Variants in FSTL5 observed in about 807,000 individuals in gnomAD.
FSTL5 encodes the protein follistatin like 5, also known as follistatin-related protein 5.
In FSTL5, 62 loss-of-function variants were observed where a neutral mutation model predicts 89.1. That is an observed-to-expected ratio of 0.70 (90% CI 0.57 to 0.86). The LOEUF is 0.86. FSTL5 is among the 40% of genes least tolerant of loss of function. The pLI, the probability that FSTL5 is intolerant of heterozygous loss-of-function variation, is 0.00. For synonymous variants in FSTL5, 383 were observed against 346.2 expected (o/e 1.11, Z -1.18); for missense variants, 1,057 against 1,001.6 (o/e 1.06, Z -0.75).
rs543828394 is a variant in FSTL5, at chr4:161,510,178, C to T, written c.1339+220G>A. ...ACTTTTAAAGTATTTCAATATATCG[C>T]AATGACACTTTCTGGCTATGTATCA... On this transcript the variant is annotated intron_variant, in intron 11 of 15. Coordinates refer to ENST00000306100, the MANE Select transcript of FSTL5 (RefSeq NM_020116.5). 5.9e-5 allele frequency among the ~76,000 whole-genome samples: 9 copies of T among 152,130 alleles called. No homozygotes were observed. In the East Asian group the frequency reaches 1.7e-3, roughly 29 times the overall value.
rs903317528 is a variant in FSTL5, at chr4:161,834,960, T to C, written c.410-58886A>G. On this transcript the variant is annotated intron_variant, in intron 4 of 15. Coordinates refer to ENST00000306100, the MANE Select transcript of FSTL5 (RefSeq NM_020116.5). ...AGAATTGGAAAAAACTACTTTAAAG[T>C]TCATATGACACCAAAAAAGAGCCTG... Among the ~76,000 whole-genome samples, 53 of 148,132 alleles carry C rather than the reference T, an allele frequency of 3.6e-4. 3 individuals carry two copies. The highest frequency in any genetic ancestry group is 6.8e-4 in the Non-Finnish European group (46 of 67,250).
chr4:161,873,481 G>GTTCC (rs559177709), intron 4 of FSTL5, among the ~76,000 whole-genome samples: 16 of 148,942 alleles, frequency 1.1e-4, no homozygotes, highest in South Asian at 2.1e-4. Context: ...TATTTCCTTA[G>GTTCC]TTCCTTCCTT....
At chr4:161,687,748 T>A (rs1360862358) in intron 6 of FSTL5, among the ~76,000 whole-genome samples, 1 of 152,148 alleles carries the variant, frequency 6.6e-6, no homozygotes, top group African/African-American at 2.4e-5. Flanking sequence ...TTGGACTTCT[T>A]ACACCTTGCT....
intron 4 of FSTL5, among the ~76,000 whole-genome samples, chr4:161,822,322 G>A (rs1447194229): frequency 6.6e-6 from 1 of 152,158 alleles, no homozygotes. Context: ...CTGGTAGGCT[G>A]CACTTGGCTC....
intron 4 of FSTL5, among the ~76,000 whole-genome samples, chr4:161,853,630 T>C (rs1731630639): frequency 6.6e-6 from 1 of 152,160 alleles, no homozygotes; most frequent in African/African-American, 2.4e-5. Context: ...TTGCTTTTTG[T>C]TTGGATACAT....
chr4:161,443,858 G>T (rs961585023), intron 15 of FSTL5, among the ~76,000 whole-genome samples: 4 of 151,992 alleles, frequency 2.6e-5, no homozygotes, highest in Middle Eastern at 3.4e-3. Flanking sequence ...GGTTCTTCTT[G>T]GCTGGACCAT....
intron 4 of FSTL5, among the ~76,000 whole-genome samples, chr4:161,803,897 A>C (rs1423460906): frequency 6.6e-6 from 1 of 152,000 alleles, no homozygotes. Context: ...GTATACGCTG[A>C]GATGCATTTT....
intron 4 of FSTL5, among the ~76,000 whole-genome samples, chr4:161,887,280 CA>C (rs1438991143): frequency 6.6e-6 from 1 of 152,020 alleles, no homozygotes; most frequent in African/African-American, 2.4e-5. Context: ...TTGCTATATC[CA>C]CTACTGTTAA....
intron 15 of FSTL5, among the ~76,000 whole-genome samples, chr4:161,398,433 T>A (rs1315976104): frequency 6.6e-6 from 1 of 152,118 alleles, no homozygotes; most frequent in Non-Finnish European, 1.5e-5. Flanking sequence ...CTCTTTTATG[T>A]AATTGCTTCA....
intron 3 of FSTL5, among the ~76,000 whole-genome samples, chr4:161,992,861 AAT>A (rs1214124720): frequency 5.9e-4 from 45 of 76,254 alleles, no homozygotes; most frequent in African/African-American, 2.3e-3. Context: ...AAAAAAAAAA[AAT>A]ATATATATAT....
intron 1 of FSTL5, among the ~76,000 whole-genome samples, chr4:162,136,712 CA>C (rs1343533171): frequency 6.6e-6 from 1 of 151,696 alleles, no homozygotes; most frequent in Non-Finnish European, 1.5e-5. Context: ...CTATATTATC[CA>C]AAGTGTATTC....
chr4:161,575,819 G>T (rs1321959092), intron 8 of FSTL5, among the ~76,000 whole-genome samples: 2 of 152,050 alleles, frequency 1.3e-5, no homozygotes, highest in Non-Finnish European at 2.9e-5. Context: ...TCCATCTTGA[G>T]TTAATCAGGC....
chr4:161,556,844 G>GTATATATATATATATATATATA (rs962466232), intron 8 of FSTL5, among the ~76,000 whole-genome samples: 2,732 of 143,856 alleles, frequency 0.019, 64 homozygotes, highest in Non-Finnish European at 0.031. Flanking sequence ...GTGTGTGTGT[G>GTATATATATATATATATATATA]TGTATATATA....
At chr4:162,000,186 T>C (rs1308281807) in intron 3 of FSTL5, among the ~76,000 whole-genome samples, 1 of 152,256 alleles carries the variant, frequency 6.6e-6, no homozygotes, top group Non-Finnish European at 1.5e-5. Flanking sequence ...TTGAATAGTC[T>C]ATGCTCTAAA....
chr4:161,967,819 A>T (rs1273056263), intron 3 of FSTL5, among the ~76,000 whole-genome samples: 1 of 152,020 alleles, frequency 6.6e-6, no homozygotes, highest in African/African-American at 2.4e-5. Flanking sequence ...AGCTAATAAA[A>T]GTGATTAAAA....
At chr4:162,049,601 C>A (rs1328848046) in intron 2 of FSTL5, among the ~76,000 whole-genome samples, 1 of 152,096 alleles carries the variant, frequency 6.6e-6, no homozygotes, top group East Asian at 1.9e-4. Flanking sequence ...TCTTCCCTTC[C>A]TTTCTCTTGA....
At chr4:161,610,729 G>A (rs147108280) in intron 7 of FSTL5, among the ~76,000 whole-genome samples, 119 of 152,208 alleles carry the variant, frequency 7.8e-4, no homozygotes, top group Non-Finnish European at 1.5e-3. Context: ...AAGGGAGCCT[G>A]CTGACACATT....
chr4:162,155,289 A>G (rs1444758697), intron 1 of FSTL5, among the ~76,000 whole-genome samples: 1 of 152,214 alleles, frequency 6.6e-6, no homozygotes, highest in African/African-American at 2.4e-5. Context: ...AGAAGCAGTC[A>G]GATTAATTCT....
At chr4:161,956,493 T>C (rs981147742) in intron 3 of FSTL5, among the ~76,000 whole-genome samples, 140 of 152,010 alleles carry the variant, frequency 9.2e-4, no homozygotes, top group African/African-American at 3.0e-3. Flanking sequence ...GTTATTTCTG[T>C]ACTTCAAAAA....
Sources: allele counts gnomAD v4.1 joint callset (sites outside exome capture counted in the v4.1 genomes callset), GRCh38; gene constraint gnomAD v4.1.1; transcripts MANE v1.5; gene names NCBI Gene and HGNC (gene_info 2026-07-23, HGNC 2026-07-21).